RAP1GDS1: variants seen among roughly 807,000 people sequenced by gnomAD.
RAP1GDS1 encodes Rap1 GTPase-GDP dissociation stimulator 1, also known as RAP1, GTP-GDP dissociation stimulator 1.
In RAP1GDS1, 35 loss-of-function variants were observed where a neutral mutation model predicts 71.1. The ratio of observed to expected loss-of-function variants is 0.49; its 90% CI spans 0.38 to 0.65. The LOEUF (loss-of-function observed/expected upper bound fraction) is 0.65. RAP1GDS1 is among the 30% of genes least tolerant of loss of function. The pLI is 0.00. For synonymous variants in RAP1GDS1, 229 were observed against 243.1 expected (o/e 0.94, Z 0.54); for missense variants, 663 against 706.1 (o/e 0.94, Z 0.69).
At chr4:98,428,561 G>A (rs1749947663) in intron 12 of RAP1GDS1, among the ~76,000 whole-genome samples, 1 of 151,944 alleles carries the variant, frequency 6.6e-6, no homozygotes. Flanking sequence ...AGACAGTAAT[G>A]AAGATATACA....
At chr4:98,408,041 T>G (rs1453305742) in intron 7 of RAP1GDS1, among the ~76,000 whole-genome samples, 2 of 151,646 alleles carry the variant, frequency 1.3e-5, no homozygotes, top group Non-Finnish European at 2.9e-5. Flanking sequence ...TTACCGCAGG[T>G]CTTACAGCTA....
Position 98,416,786 on chromosome 4 carries a change from T to A in RAP1GDS1, c.805T>A (p.Cys269Ser), listed in dbSNP as rs758589911. Residue 269 changes from cysteine (C) to serine (S), a missense_variant, in exon 8 of 15, where the codon TGT becomes AGT. Transcript: ENST00000408927. The stretch of plus-strand genomic sequence containing the variant: ...GCTGGTTGAAGCAGGCCTAGTAGAG[T>A]GTCTACTAGAGATTGTTCAGCAAAA... ...LQLVEAGLVE[C>S]LLEIVQQKVD... The A allele has an allele frequency of 3.7e-6, 6 of 1,607,706 alleles. No homozygotes were observed. The highest frequency in any genetic ancestry group is 5.1e-6 in the Non-Finnish European group (6 of 1,174,322).
chr4:98,332,490 G>A (rs1266384779), intron 2 of RAP1GDS1, among the ~76,000 whole-genome samples: 3 of 152,134 alleles, frequency 2.0e-5, no homozygotes, highest in African/African-American at 7.2e-5. Context: ...CCCAGTTATT[G>A]TCCCAGCTAA....
Position 98,417,510 on chromosome 4 carries a change from A to G in RAP1GDS1, c.1039+12A>G, listed in dbSNP as rs1055104209. 4.3e-6 allele frequency: 7 copies of G among 1,611,716 alleles called. No individual in the cohort carries two copies. The highest frequency in any genetic ancestry group is 5.9e-6 in the Non-Finnish European group (7 of 1,178,484). ...TTTTGCCAGAAATGGTAAGCATATT[A>G]GTTCCTCCTTTGTTAGTCAAATACT... is the stretch of plus-strand genomic sequence containing the variant. On this transcript the variant is annotated intron_variant, in intron 9 of 14. Coordinates refer to ENST00000408927, the MANE Select transcript of RAP1GDS1 (RefSeq NM_001100427.2).
intron 2 of RAP1GDS1, among the ~76,000 whole-genome samples, chr4:98,302,786 C>G (rs1728752696): frequency 6.6e-6 from 1 of 152,202 alleles, no homozygotes. Context: ...TGACCCACAC[C>G]TGTAATCCCA....
At chr4:98,284,312 A>T (rs1341305846) in intron 1 of RAP1GDS1, among the ~76,000 whole-genome samples, 3 of 152,164 alleles carry the variant, frequency 2.0e-5, no homozygotes, top group African/African-American at 7.2e-5. Flanking sequence ...GGTTTAGGGT[A>T]CAAATGATCC....
At position 98,391,994 on chromosome 4, in the gene RAP1GDS1, C is replaced by T; in HGVS notation, c.551C>T (p.Thr184Ile). ...CTTATCAATATGGGTGTTATTCCTA[C>T]CTTAGTGAAATTACTGGGCATCCAC... ...AQLINMGVIP[T>I]LVKLLGIHCQ... Residue 184 changes from threonine to isoleucine, a missense_variant, in exon 6 of 15, where the codon ACC (threonine) becomes ATC (isoleucine). By Grantham distance (89) the Thr-to-Ile change is moderately conservative. Coordinates refer to ENST00000408927, the MANE Select transcript of RAP1GDS1 (RefSeq NM_001100427.2). 6.2e-7 allele frequency: 1 copy of T among 1,608,176 alleles called. No individual in the cohort carries two copies. Among genetic ancestry groups the T allele is most frequent in the Non-Finnish European group, 8.5e-7 (1 of 1,176,256 alleles).
intron 1 of RAP1GDS1, among the ~76,000 whole-genome samples, chr4:98,272,089 C>T (rs1345930432): frequency 6.6e-6 from 1 of 152,136 alleles, no homozygotes; most frequent in South Asian, 2.1e-4. Context: ...CATAGGCTGA[C>T]AAGCTTTTTC....
intron 1 of RAP1GDS1, among the ~76,000 whole-genome samples, chr4:98,275,110 A>G (rs1181139351): frequency 2.6e-5 from 4 of 151,496 alleles, no homozygotes; most frequent in Non-Finnish European, 5.9e-5. Context: ...GATTTCTCTG[A>G]TGATAACTTC....
At chr4:98,313,356 T>TTC (rs1263112734) in intron 2 of RAP1GDS1, among the ~76,000 whole-genome samples, 5 of 152,154 alleles carry the variant, frequency 3.3e-5, no homozygotes, top group African/African-American at 1.2e-4. Context: ...CAAAAACACC[T>TTC]TCACAGACAG....
intron 2 of RAP1GDS1, among the ~76,000 whole-genome samples, chr4:98,304,168 T>A (rs1291863697): frequency 6.6e-6 from 1 of 152,226 alleles, no homozygotes; most frequent in Non-Finnish European, 1.5e-5. Flanking sequence ...CACGTGCATG[T>A]ATCTTTATAA....
chr4:98,284,627 A>G (rs747458184), intron 1 of RAP1GDS1, among the ~76,000 whole-genome samples: 10 of 152,074 alleles, frequency 6.6e-5, no homozygotes, highest in Non-Finnish European at 1.3e-4. Context: ...TAATTCTCCT[A>G]TTGAATCTGA....
chr4:98,375,938 T>C (rs1368021242), intron 4 of RAP1GDS1, among the ~76,000 whole-genome samples: 1 of 152,014 alleles, frequency 6.6e-6, no homozygotes, highest in Admixed American at 6.6e-5. Flanking sequence ...GATAATAGTG[T>C]TTAACTTGAT....
chr4:98,316,411 G>T (rs770797879), intron 2 of RAP1GDS1, among the ~76,000 whole-genome samples: 4 of 152,092 alleles, frequency 2.6e-5, no homozygotes, highest in Non-Finnish European at 5.9e-5. Context: ...ATGATGATAG[G>T]CCTTGGGTGT....
chr4:98,390,549 T>G (rs1414737217), intron 5 of RAP1GDS1, among the ~76,000 whole-genome samples: 4 of 152,154 alleles, frequency 2.6e-5, no homozygotes, highest in Non-Finnish European at 5.9e-5. Flanking sequence ...TTATCTGTAA[T>G]TAGCCAGTCA....
chr4:98,274,110 CTCA>C (rs1451326309), intron 1 of RAP1GDS1, among the ~76,000 whole-genome samples: 1 of 152,160 alleles, frequency 6.6e-6, no homozygotes, highest in Admixed American at 6.5e-5. Context: ...GCAGTATTTT[CTCA>C]CGTAAGCACT....
chr4:98,319,223 T>G (rs896297320), intron 2 of RAP1GDS1, among the ~76,000 whole-genome samples: 14 of 152,240 alleles, frequency 9.2e-5, no homozygotes, highest in Non-Finnish European at 1.9e-4. Flanking sequence ...CCTAAGTATT[T>G]AATGATGAGT....
chr4:98,412,089 A>C (rs1012682040), intron 7 of RAP1GDS1, among the ~76,000 whole-genome samples: 1 of 152,222 alleles, frequency 6.6e-6, no homozygotes, highest in African/African-American at 2.4e-5. Flanking sequence ...AGTCTTAAGT[A>C]TTTATTTTTA....
At position 98,324,777 on chromosome 4, in the gene RAP1GDS1, G is replaced by A. The variant is rs532944849; in HGVS notation, c.113-18362G>A. Among the ~76,000 whole-genome samples, 1,128 of 147,594 alleles carry A rather than the reference G, an allele frequency of 7.6e-3. 13 individuals carry two copies. The highest frequency in any genetic ancestry group is 0.027 in the African/African-American group (1,078 of 39,614). ...CCTTATACAAAAATCAATTCAAGAT[G>A]GATTAAAGATTTAAACGTTAGACCT... On this transcript the variant is annotated intron_variant, in intron 2 of 14. Transcript: ENST00000408927.
Sources: gnomAD v4.1 joint callset for allele counts (sites outside exome capture counted in the v4.1 genomes callset) on GRCh38, gnomAD v4.1.1 for gene constraint, MANE v1.5 for transcripts, NCBI Gene and HGNC (gene_info 2026-07-23, HGNC 2026-07-21) for gene names.